NOVA1: variants seen among roughly 807,000 people sequenced by gnomAD.
NOVA1 encodes the protein RNA-binding protein Nova-1.
Under a neutral mutation model 38.0 loss-of-function variants are expected in NOVA1, and 7 were observed. The ratio of observed to expected loss-of-function variants is 0.18; its 90% CI spans 0.10 to 0.35. The LOEUF is 0.35. Ranked by LOEUF, NOVA1 falls within the 10% of genes least tolerant of loss-of-function variation. NOVA1 has a pLI of 1.00. For synonymous variants in NOVA1, 270 were observed against 232.5 expected (o/e 1.16, Z -1.47); for missense variants, 460 against 616.0 (o/e 0.75, Z 2.68).
chr14:26,564,275 G>C (rs546253840), intron 2 of NOVA1, among the ~76,000 whole-genome samples: 2 of 152,194 alleles, frequency 1.3e-5, no homozygotes, highest in South Asian at 4.1e-4. Context: ...GTAGCTAACG[G>C]TACTAACAGC....
intron 2 of NOVA1, among the ~76,000 whole-genome samples, chr14:26,503,622 T>A (rs972666483): frequency 4.6e-5 from 7 of 150,954 alleles, no homozygotes; most frequent in Non-Finnish European, 8.9e-5. Context: ...CAGTAATCAT[T>A]TTTTTTTAAA....
chr14:26,504,838 T>C (rs1339666265), intron 2 of NOVA1, among the ~76,000 whole-genome samples: 1 of 151,894 alleles, frequency 6.6e-6, no homozygotes, highest in Non-Finnish European at 1.5e-5. Context: ...TTACAAAATA[T>C]AACTGAGAGA....
chr14:26,496,511 G>T (rs977682283), intron 2 of NOVA1, among the ~76,000 whole-genome samples: 2 of 151,848 alleles, frequency 1.3e-5, no homozygotes, highest in African/African-American at 4.8e-5. Context: ...GATCCCATTT[G>T]TCAATTTTGG....
At position 26,511,612 on chromosome 14, in the gene NOVA1, C is replaced by T. The variant is rs540676521; in HGVS notation, c.281-31469G>A. On this transcript the variant is annotated intron_variant, in intron 2 of 4. Transcript: ENST00000539517. ...ACTAAAAATACAAAAATTAGCTGGGCGTGGTGGTGCATGCCTGCAGTCCCA... is the reference window on the plus strand; with the variant it reads ...ACTAAAAATACAAAAATTAGCTGGGTGTGGTGGTGCATGCCTGCAGTCCCA... Among the ~76,000 whole-genome samples the T allele has an allele frequency of 2.0e-3, 311 of 152,006 alleles. 1 individual carries two copies. The highest frequency in any genetic ancestry group is 4.7e-3 in the Admixed American group (72 of 15,268).
chr14:26,502,825 T>C (rs1189210386), intron 2 of NOVA1, among the ~76,000 whole-genome samples: 1 of 152,074 alleles, frequency 6.6e-6, no homozygotes, highest in African/African-American at 2.4e-5. Flanking sequence ...ATATGATACA[T>C]ACAATGATAA....
intron 4 of NOVA1, among the ~76,000 whole-genome samples, chr14:26,463,292 G>A (rs1435011413): frequency 6.6e-6 from 1 of 152,156 alleles, no homozygotes; most frequent in African/African-American, 2.4e-5. Flanking sequence ...CATTGTATGA[G>A]CATGTTTATT....
intron 2 of NOVA1, among the ~76,000 whole-genome samples, chr14:26,555,376 A>C (rs922830296): frequency 3.7e-4 from 57 of 152,138 alleles, no homozygotes; most frequent in African/African-American, 1.3e-3. Context: ...ACTTTTGAGA[A>C]TACAGAATCC....
rs754622765 is a variant in NOVA1 at position 26,594,591 on chromosome 14, T to C, written c.280+819A>G. 4 of 152,066 alleles carry C rather than the reference T, an allele frequency of 2.6e-5. 1 individual carries two copies. The highest frequency in any genetic ancestry group is 5.9e-5 in the Non-Finnish European group (4 of 67,924). 9.4% of individuals were successfully genotyped at this position (152,066 alleles called of 1,614,324 possible). A position where few individuals can be genotyped will look rare whatever the true frequency, so the allele number is the denominator to read the frequency against. On this transcript the variant is annotated intron_variant, in intron 2 of 4. Coordinates refer to ENST00000539517, the MANE Select transcript of NOVA1 (RefSeq NM_002515.3). ...ATAATGTTTTATCTAGGAAATGTAC[T>C]ACTCAATTACAGAGACTTTTCCCTT...
intron 2 of NOVA1, among the ~76,000 whole-genome samples, chr14:26,540,223 C>A (rs574371363): frequency 6.6e-6 from 1 of 152,178 alleles, no homozygotes; most frequent in Non-Finnish European, 1.5e-5. Context: ...TTAAGCATTA[C>A]CACCTGAGCT....
chr14:26,454,071 C>G (rs949279420), intron 4 of NOVA1, among the ~76,000 whole-genome samples: 15 of 151,988 alleles, frequency 9.9e-5, no homozygotes, highest in Non-Finnish European at 2.1e-4. Flanking sequence ...ACAGGGGTGT[C>G]CAATTTTTTG....
chr14:26,511,115 T>C (rs943067327), intron 2 of NOVA1, among the ~76,000 whole-genome samples: 1 of 152,140 alleles, frequency 6.6e-6, no homozygotes, highest in African/African-American at 2.4e-5. Flanking sequence ...TCTGGCACAT[T>C]TGAGATGATC....
At chr14:26,588,345 A>C (rs1415352438) in intron 2 of NOVA1, 3 of 151,496 alleles carry the variant, frequency 2.0e-5, no homozygotes, top group Non-Finnish European at 4.4e-5. Context: ...CTATTGAATA[A>C]AATTCATTGA....
chr14:26,480,291 G>A (rs987319506), intron 2 of NOVA1, 148 bp from the exon 3 acceptor site: 3 of 677,330 alleles, frequency 4.4e-6, no homozygotes, highest in Admixed American at 3.1e-5. Context: ...ATATATACAT[G>A]TCTCTTCTCA....
At chr14:26,596,922 G>C (rs1438823985) in intron 1 of NOVA1, 17 of 1,177,548 alleles carry the variant, frequency 1.4e-5, no homozygotes, top group Non-Finnish European at 1.8e-5. Context: ...TAAACGCAGC[G>C]CGCATCTTCG....
At chr14:26,490,361 C>T (rs1886240094) in intron 2 of NOVA1, among the ~76,000 whole-genome samples, 1 of 152,128 alleles carries the variant, frequency 6.6e-6, no homozygotes, top group African/African-American at 2.4e-5. Flanking sequence ...ATTCTGTGTA[C>T]AAACCTAGGA....
At chr14:26,593,908 C>T (rs1374395276) in intron 2 of NOVA1, 3 of 151,866 alleles carry the variant, frequency 2.0e-5, no homozygotes, top group Non-Finnish European at 4.4e-5. Flanking sequence ...ATTTCATTTT[C>T]ATCTATTGAC....
At position 26,468,901 on chromosome 14, in the gene NOVA1, G is replaced by A. The variant is rs545585361; in HGVS notation, c.519+3419C>T. Among the ~76,000 whole-genome samples, 7 of 152,134 alleles carry A rather than the reference G, an allele frequency of 4.6e-5. No homozygotes were observed. In the East Asian group the frequency reaches 1.2e-3, roughly 25 times the overall value. Reference sequence around the variant, plus strand: ...GAAATTTCAGAAAAATTCCAGGAGAGCTAACAAGGACTAAGGTTAAAACCA... The same window carrying A: ...GAAATTTCAGAAAAATTCCAGGAGAACTAACAAGGACTAAGGTTAAAACCA... On this transcript the variant is annotated intron_variant, in intron 4 of 4. Coordinates refer to ENST00000539517, the MANE Select transcript of NOVA1 (RefSeq NM_002515.3).
intron 2 of NOVA1, among the ~76,000 whole-genome samples, chr14:26,499,648 G>T (rs1887102406): frequency 6.6e-6 from 1 of 152,094 alleles, no homozygotes; most frequent in South Asian, 2.1e-4. Flanking sequence ...ACATTTCTCT[G>T]ATATGGAAGA....
rs755444612 is a variant in NOVA1 at position 26,448,482 on chromosome 14, A to G, written c.1001T>C (p.Leu334Ser). Residue 334 changes from leucine (L) to serine (S), a missense_variant, in exon 5 of 5, where the codon TTA becomes TCA. Coordinates refer to ENST00000539517, the MANE Select transcript of NOVA1 (RefSeq NM_002515.3). The surrounding 1 kb of genome is among the most constrained non-coding windows in gnomAD (Gnocchi z 5.3). ...TGTTGCTGCTGCTTGACTGAGACCT[A>G]AACCTAAAGTGTTGAGATTATATCC... ...SYGYNLNTLG[L>S]GLSQAAATGA... The G allele has an allele frequency of 6.2e-7, 1 of 1,613,886 alleles. No individual in the cohort carries two copies. Among genetic ancestry groups the G allele is most frequent in the Non-Finnish European group, 8.5e-7 (1 of 1,180,012 alleles).
Sources: gnomAD v4.1 joint callset for allele counts (sites outside exome capture counted in the v4.1 genomes callset) on GRCh38, gnomAD v4.1.1 for gene constraint, Gnocchi (gnomAD v3.1) non-coding constraint, MANE v1.5 for transcripts, NCBI Gene and HGNC (gene_info 2026-07-23, HGNC 2026-07-21) for gene names.